Variants in WDR43 observed in about 807,000 individuals in gnomAD.
WDR43 encodes the protein WD repeat domain 43, also known as WD repeat-containing protein 43.
In WDR43, 13 loss-of-function variants were observed where a neutral mutation model predicts 91.4. The ratio of observed to expected loss-of-function variants is 0.14; its 90% CI spans 0.09 to 0.23. WDR43 has a LOEUF of 0.23. Ranked by LOEUF, WDR43 falls within the 10% of genes least tolerant of loss-of-function variation. The pLI is 1.00. For synonymous variants in WDR43, 331 were observed against 287.9 expected (o/e 1.15, Z -1.51); for missense variants, 780 against 809.4 (o/e 0.96, Z 0.44).
At chr2:28,938,036 G>A in intron 14 of WDR43, 42 bp downstream of exon 14, 1 of 1,601,884 alleles carries the variant, frequency 6.2e-7, no homozygotes, top group African/African-American at 1.3e-5. Context: ...GAATAGTTTG[G>A]CTTTGATAAG....
In WDR43 at chr2:28,942,334, A is replaced by C. The variant is rs1671453934; in HGVS notation, c.1757A>C (p.Lys586Thr). The change falls in exon 16 of 18, where the codon AAG becomes ACG. Residue 586 changes from lysine to threonine, a missense_variant. By Grantham distance (78) the Lys-to-Thr change is moderately conservative (BLOSUM62 -1). Transcript: ENST00000407426. Reference protein sequence around the residue: ...ITQVTASEKTKGATSPGQKAK... With the variant: ...ITQVTASEKTTGATSPGQKAK... ...CAGGTAACAGCATCAGAGAAGACAAAGGGAGCAACTTCCCCTGGACAGAAG... is the reference window on the plus strand; with the variant it reads ...CAGGTAACAGCATCAGAGAAGACAACGGGAGCAACTTCCCCTGGACAGAAG... 1.9e-6 allele frequency: 3 copies of C among 1,613,446 alleles called. No individual in the cohort carries two copies. The highest frequency in any genetic ancestry group is 2.7e-5 in the African/African-American group (2 of 75,036).
At chr2:28,905,663 CTCTTTTT>C (rs1396502737) in intron 2 of WDR43, among the ~76,000 whole-genome samples, 1 of 129,192 alleles carries the variant, frequency 7.7e-6, no homozygotes, top group African/African-American at 2.7e-5. Context: ...CTCTCTTCTT[CTCTTTTT>C]TTTTTTTTTT....
In WDR43 at chr2:28,913,650, T is replaced by C. The variant is rs752929475; in HGVS notation, c.607-419T>C. 7.7e-6 allele frequency: 4 copies of C among 520,578 alleles called. No homozygotes were observed. In the African/African-American group the frequency reaches 7.7e-5, roughly 10 times the overall value. 32.2% of individuals were successfully genotyped at this position (520,578 alleles called of 1,614,324 possible). On this transcript the variant is annotated intron_variant, in intron 4 of 17. Transcript: ENST00000407426. ...GGAGGAAAAAGCTTTCACTCAGGGC[T>C]TACGGAATATTTGGTGCTGTGATGA...
intron 2 of WDR43, among the ~76,000 whole-genome samples, chr2:28,905,291 C>G (rs1006709034): frequency 9.9e-5 from 15 of 152,212 alleles, no homozygotes; most frequent in East Asian, 3.9e-4. Context: ...GCACCTCATT[C>G]TGCTAAGTGA....
intron 3 of WDR43, among the ~76,000 whole-genome samples, chr2:28,908,191 A>G (rs1289965185): frequency 6.6e-6 from 1 of 152,204 alleles, no homozygotes; most frequent in African/African-American, 2.4e-5. Context: ...GGGATAATGC[A>G]TGGTAGAGGA....
rs1671554172 is a variant in WDR43 at position 28,946,946 on chromosome 2, A to C, written c.*167A>C. 1 of 662,574 alleles carries C rather than the reference A, an allele frequency of 1.5e-6. No homozygotes were observed. The highest frequency in any genetic ancestry group is 2.2e-5 in the South Asian group (1 of 44,490). The allele number at this position is 662,574 out of a possible 1,614,324, so 41.0% of individuals were successfully genotyped here. ...TGAGCACCCCAGACTTGACTGTGTAAATAAGAGTGTTTCATTCAAATGTTA... is the reference window on the plus strand; with the variant it reads ...TGAGCACCCCAGACTTGACTGTGTACATAAGAGTGTTTCATTCAAATGTTA... On this transcript the variant is annotated 3_prime_UTR_variant, in exon 18 of 18. Coordinates refer to ENST00000407426, the MANE Select transcript of WDR43 (RefSeq NM_015131.3).
At position 28,902,691 on chromosome 2, in the gene WDR43, G is replaced by A. The variant is rs914863765; in HGVS notation, c.363+567G>A. ...ACTGTTGGGGTGATGCAAATAAAGA[G>A]ACAGGAAGGAACAAGTCCCTTCTCT... On this transcript the variant is annotated intron_variant, in intron 2 of 17. Transcript: ENST00000407426. Among the ~76,000 whole-genome samples the A allele has an allele frequency of 3.9e-5, 6 of 152,244 alleles. No individual in the cohort carries two copies. In the East Asian group the frequency reaches 1.2e-3, roughly 29 times the overall value.
At chr2:28,939,964 G>C (rs554918323) in intron 14 of WDR43, among the ~76,000 whole-genome samples, 9 of 151,776 alleles carry the variant, frequency 5.9e-5, no homozygotes, top group African/African-American at 2.2e-4. Flanking sequence ...AAAATTAGCC[G>C]AGCGTGATGG....
In WDR43 at chr2:28,947,027, C is replaced by A; in HGVS notation, c.*248C>A. On this transcript the variant is annotated 3_prime_UTR_variant, in exon 18 of 18. Transcript: ENST00000407426. ...TCTGCAATGTACTGACATCAGTGTC[C>A]AATATATGGTATATTTTTATAATAT... is the stretch of plus-strand genomic sequence containing the variant. 1 of 329,320 alleles carries A rather than the reference C, an allele frequency of 3.0e-6. No homozygotes were observed. Among genetic ancestry groups the A allele is most frequent in the Non-Finnish European group, 5.5e-6 (1 of 181,514 alleles). 20.4% of individuals were successfully genotyped at this position (329,320 alleles called of 1,614,324 possible).
At chr2:28,921,615 A>G (rs1671027172) in intron 6 of WDR43, among the ~76,000 whole-genome samples, 1 of 152,236 alleles carries the variant, frequency 6.6e-6, no homozygotes, top group South Asian at 2.1e-4. Flanking sequence ...ACCTTTCTAT[A>G]GACAGTTAGA....
At chr2:28,916,571 C>G (rs1343391575) in intron 5 of WDR43, among the ~76,000 whole-genome samples, 2 of 152,068 alleles carry the variant, frequency 1.3e-5, no homozygotes, top group African/African-American at 4.8e-5. Flanking sequence ...AAGATTATCT[C>G]TGCTGACTTG....
rs1343281753 is a variant in WDR43, at chr2:28,929,859, G to A, written c.1437+149G>A. ...GAGTTTAGTCAAACATGTATCACTT[G>A]GTGGCATTATACAGACAGTCACCAA... On this transcript the variant is annotated intron_variant, in intron 11 of 17. Coordinates refer to ENST00000407426, the MANE Select transcript of WDR43 (RefSeq NM_015131.3). 8.1e-6 allele frequency: 7 copies of A among 865,300 alleles called. No homozygotes were observed. In the East Asian group the frequency reaches 1.6e-4, roughly 20 times the overall value. 53.6% of individuals were successfully genotyped at this position (865,300 alleles called of 1,614,324 possible). A position where few individuals can be genotyped will look rare whatever the true frequency, so the allele number is the denominator to read the frequency against.
chr2:28,934,346 A>G (rs1038500822), intron 11 of WDR43, among the ~76,000 whole-genome samples: 3 of 152,188 alleles, frequency 2.0e-5, no homozygotes, highest in African/African-American at 4.8e-5. Flanking sequence ...TTATCATATC[A>G]TAGTATTTGT....
chr2:28,939,840 G>A (rs1671400379), intron 14 of WDR43, among the ~76,000 whole-genome samples: 1 of 152,144 alleles, frequency 6.6e-6, no homozygotes, highest in Non-Finnish European at 1.5e-5. Context: ...GGGCACGGTG[G>A]CTCACACCTG....
At position 28,936,785 on chromosome 2, in the gene WDR43, C is replaced by T. The variant is rs187241982; in HGVS notation, c.1525-137C>T. ...ATTACTCTGATTATGGGAATGTATT[C>T]ATAGACTGTATTATGCGGTTTAAAA... On this transcript the variant is annotated intron_variant, in intron 12 of 17. Transcript: ENST00000407426. The T allele has an allele frequency of 2.2e-3, 1,694 of 778,154 alleles. 9 individuals are homozygous for T. Among genetic ancestry groups the T allele is most frequent in the Non-Finnish European group, 1.6e-3 (731 of 470,950 alleles). 48.2% of individuals were successfully genotyped at this position (778,154 alleles called of 1,614,324 possible).
At chr2:28,917,239 G>C (rs1025458016) in intron 5 of WDR43, among the ~76,000 whole-genome samples, 1 of 152,154 alleles carries the variant, frequency 6.6e-6, no homozygotes, top group Non-Finnish European at 1.5e-5. Flanking sequence ...ACCCCTGAAG[G>C]AGCATAAAAT....
chr2:28,933,245 G>A (rs941902058), intron 11 of WDR43, among the ~76,000 whole-genome samples: 1 of 152,122 alleles, frequency 6.6e-6, no homozygotes, highest in Admixed American at 6.5e-5. Flanking sequence ...TCAAAATAAA[G>A]CTATAGTAGT....
chr2:28,921,778 C>G (rs1671031278), intron 6 of WDR43, among the ~76,000 whole-genome samples: 1 of 152,148 alleles, frequency 6.6e-6, no homozygotes, highest in African/African-American at 2.4e-5. Context: ...GTGGTGCCAT[C>G]AAAGCTCACT....
chr2:28,928,306 CT>C (rs200808585), intron 10 of WDR43, among the ~76,000 whole-genome samples: 2 of 150,684 alleles, frequency 1.3e-5, no homozygotes, highest in African/African-American at 2.4e-5. Flanking sequence ...AATTTGTATT[CT>C]TTTTTTTTCT....
Sources: gnomAD v4.1 joint callset for allele counts (sites outside exome capture counted in the v4.1 genomes callset) on GRCh38, gnomAD v4.1.1 for gene constraint, MANE v1.5 for transcripts, NCBI Gene and HGNC (gene_info 2026-07-23, HGNC 2026-07-21) for gene names.